The following MLXIPL variants were observed in gnomAD, a reference collection of about 807,000 sequenced individuals.
The protein encoded by MLXIPL is MLX interacting protein like, also known as carbohydrate-responsive element-binding protein.
Under a neutral mutation model 81.5 loss-of-function variants are expected in MLXIPL, and 49 were observed. That is an observed-to-expected ratio of 0.60 (90% CI 0.48 to 0.76). MLXIPL has a LOEUF of 0.76. MLXIPL is among the 30% of genes least tolerant of loss of function. MLXIPL has a pLI of 0.00. For synonymous variants in MLXIPL, 466 were observed against 485.5 expected, an observed-to-expected ratio of 0.96 and a Z score of 0.53; for missense variants, 1,053 against 1,167.0, an observed-to-expected ratio of 0.90 and a Z score of 1.42.
In MLXIPL at chr7:73,623,057, GGTTGCAACAT is replaced by G. The variant is rs1796482794; in HGVS notation, c.293+1133_293+1142del. Among the ~76,000 whole-genome samples, 1 of 152,140 alleles carries G rather than the reference GGTTGCAACAT, an allele frequency of 6.6e-6. No individual in the cohort carries two copies. The highest frequency in any genetic ancestry group is 1.5e-5 in the Non-Finnish European group (1 of 68,026). On this transcript the variant is annotated intron_variant, in intron 1 of 16. Coordinates refer to ENST00000313375, the MANE Select transcript of MLXIPL (RefSeq NM_032951.3). This position sits in a 1 kb window ranked among gnomAD's most constrained non-coding sequence, Gnocchi z 5.7. ...ACGGGTCCGACGCCCTGGCCGATCG[GGTTGCAACAT>G]GACCTGGGCCAGGGGCCAGAGCTTG...
At chr7:73,642,170 A>G in the MLXIPL span, among the ~76,000 whole-genome samples, 1 of 152,120 alleles carries the variant, frequency 6.6e-6, no homozygotes, top group Non-Finnish European at 1.5e-5. Context: ...TTTGTTATCA[A>G]TGATACAACT....
the MLXIPL span, among the ~76,000 whole-genome samples, chr7:73,636,363 T>C: frequency 1.3e-5 from 2 of 150,874 alleles, no homozygotes; most frequent in South Asian, 2.1e-4. Context: ...TGAGCCGAGA[T>C]TGAGCCACTG....
chr7:73,633,285 TG>T, the MLXIPL span, among the ~76,000 whole-genome samples: 1 of 151,540 alleles, frequency 6.6e-6, no homozygotes, highest in Non-Finnish European at 1.5e-5. Context: ...GGTTTCACCG[TG>T]TTAACCAGGA....
At chr7:73,607,167 C>A in intron 4 of MLXIPL, 149 bp from the exon 5 acceptor site, 3 of 1,269,338 alleles carry the variant, frequency 2.4e-6, no homozygotes, top group Non-Finnish European at 3.4e-6. Context: ...CGCTAGGAGA[C>A]GCTGTGGCCA....
rs1554602897 is a variant in MLXIPL at position 73,623,963 on chromosome 7, G to A, written c.293+237C>T. On this transcript the variant is annotated intron_variant, in intron 1 of 16. Coordinates refer to ENST00000313375, the MANE Select transcript of MLXIPL (RefSeq NM_032951.3). This position sits in a 1 kb window ranked among gnomAD's most constrained non-coding sequence, Gnocchi z 5.7. ...GTCTGCGCTTCGGGGAAGAGGGAAT[G>A]GGGGAGGAATGGGAATCAGAAATGC... Among the ~76,000 whole-genome samples, 1 of 152,150 alleles carries A rather than the reference G, an allele frequency of 6.6e-6. No individual in the cohort carries two copies. Among genetic ancestry groups the A allele is most frequent in the Non-Finnish European group, 1.5e-5 (1 of 68,030 alleles).
chr7:73,647,058 C>T, the MLXIPL span, among the ~76,000 whole-genome samples: 1 of 152,092 alleles, frequency 6.6e-6, no homozygotes, highest in Non-Finnish European at 1.5e-5. Context: ...AGAGCCAGGC[C>T]CAGAGACGGA....
intron 7 of MLXIPL, among the ~76,000 whole-genome samples, chr7:73,603,593 G>A (rs79156322): frequency 1.4e-3 from 210 of 151,954 alleles, no homozygotes; most frequent in Non-Finnish European, 2.3e-3. Flanking sequence ...CCAGGACCCC[G>A]TGGGGAAGGA....
chr7:73,645,705 T>G, the MLXIPL span, among the ~76,000 whole-genome samples: 1 of 152,140 alleles, frequency 6.6e-6, no homozygotes, highest in Non-Finnish European at 1.5e-5. Flanking sequence ...GTTACAGGTG[T>G]GCAGAGTGAA....
chr7:73,618,789 T>C (rs1202630453), intron 1 of MLXIPL, among the ~76,000 whole-genome samples: 5 of 152,176 alleles, frequency 3.3e-5, no homozygotes, highest in African/African-American at 1.2e-4. Context: ...GGGGGACTCC[T>C]GAGTCTGTTG....
intron 1 of MLXIPL, 107 bp downstream of exon 1, chr7:73,624,093 C>G: frequency 1.4e-6 from 2 of 1,397,544 alleles, no homozygotes; most frequent in Non-Finnish European, 1.9e-6. Context: ...AGCCGCAGGA[C>G]CGGGCTCGGG....
At chr7:73,646,350 T>C in the MLXIPL span, among the ~76,000 whole-genome samples, 1 of 152,258 alleles carries the variant, frequency 6.6e-6, no homozygotes, top group African/African-American at 2.4e-5. Flanking sequence ...CAGAAGCTCA[T>C]ATGCCAGCCC....
intron 7 of MLXIPL, among the ~76,000 whole-genome samples, chr7:73,600,879 G>A (rs1014196476): frequency 1.3e-5 from 2 of 152,014 alleles, no homozygotes; most frequent in Admixed American, 1.3e-4. Context: ...AGCTGGCCAC[G>A]GCCTGACCAC....
At position 73,593,358 on chromosome 7, in the gene MLXIPL, C is replaced by A. The variant is rs1794002275; in HGVS notation, c.*507G>T. 2 of 225,526 alleles carry A rather than the reference C, an allele frequency of 8.9e-6. No individual in the cohort carries two copies. Among genetic ancestry groups the A allele is most frequent in the African/African-American group, 4.5e-5 (2 of 43,994 alleles). The allele number at this position is 225,526 out of a possible 1,614,324, so 14.0% of individuals were successfully genotyped here. On this transcript the variant is annotated 3_prime_UTR_variant, in exon 17 of 17. Transcript: ENST00000313375. ...CTGGCCTCTCCCAGGGGAAACCATC[C>A]TGCAGCCCCTCTGGGTCAGCAGTGA...
At chr7:73,628,711 C>T (rs1402315231), upstream of MLXIPL, among the ~76,000 whole-genome samples, 5 of 152,246 alleles carry the variant, frequency 3.3e-5, no homozygotes, top group Admixed American at 3.3e-4. Flanking sequence ...GATAATAGCA[C>T]AGCCATGTAC....
Position 73,593,659 on chromosome 7 carries a change from A to G in MLXIPL, c.*206T>C, listed in dbSNP as rs782185682. On this transcript the variant is annotated 3_prime_UTR_variant, in exon 17 of 17. Transcript: ENST00000313375. ...TCACCCAAGGTCACGGTGCTGGAGC[A>G]CAGTGGCAGAGCAGGGACGGGGACT... The G allele has an allele frequency of 7.0e-6, 4 of 569,456 alleles. No individual in the cohort carries two copies. The highest frequency in any genetic ancestry group is 1.3e-5 in the Non-Finnish European group (4 of 314,496). 35.3% of individuals were successfully genotyped at this position (569,456 alleles called of 1,614,324 possible).
Position 73,623,713 on chromosome 7 carries a change from G to C in MLXIPL, c.293+487C>G, listed in dbSNP as rs1584161153. Among the ~76,000 whole-genome samples, 1 of 152,312 alleles carries C rather than the reference G, an allele frequency of 6.6e-6. No individual in the cohort carries two copies. Among genetic ancestry groups the C allele is most frequent in the East Asian group, 1.9e-4 (1 of 5,184 alleles). On this transcript the variant is annotated intron_variant, in intron 1 of 16. Transcript: ENST00000313375. The surrounding 1 kb of genome is among the most constrained non-coding windows in gnomAD (Gnocchi z 5.7). ...TTGGTTATGAACTGGGACAATCAGG[G>C]GCGCTGGGAGTATCTCAGGGTCCAG...
At position 73,622,217 on chromosome 7, in the gene MLXIPL, A is replaced by G. The variant is rs1043092775; in HGVS notation, c.293+1983T>C. On this transcript the variant is annotated intron_variant, in intron 1 of 16. Transcript: ENST00000313375. ...TAAAGAAAATTTTTTTTGGCCAGGC[A>G]TGTTGGCTCATGCCTGTAATCCCAG... Among the ~76,000 whole-genome samples, 32 of 151,864 alleles carry G rather than the reference A, an allele frequency of 2.1e-4. 1 individual carries two copies. The highest frequency in any genetic ancestry group is 1.0e-4 in the Non-Finnish European group (7 of 67,984).
chr7:73,634,047 G>A, the MLXIPL span, among the ~76,000 whole-genome samples: 1 of 152,184 alleles, frequency 6.6e-6, no homozygotes, highest in East Asian at 1.9e-4. Flanking sequence ...GTGAGAGAGA[G>A]GAGTCTCGAA....
At chr7:73,606,411 G>GTTCTCT (rs1795284530) in intron 5 of MLXIPL, 1 of 470,128 alleles carries the variant, frequency 2.1e-6, no homozygotes, top group African/African-American at 2.1e-5. Flanking sequence ...TTTTTTGTTT[G>GTTCTCT]TTTTCTTTTT....
Sources: allele counts gnomAD v4.1 joint callset (sites outside exome capture counted in the v4.1 genomes callset), GRCh38; gene constraint gnomAD v4.1.1; non-coding constraint Gnocchi (gnomAD v3.1); transcripts MANE v1.5; gene names NCBI Gene and HGNC (gene_info 2026-07-23, HGNC 2026-07-21).